Variants in PDZD2 observed in about 807,000 individuals in gnomAD.
The protein encoded by PDZD2 is PDZ domain-containing protein 2.
In PDZD2, 90 loss-of-function variants were observed where a neutral mutation model predicts 220.7. The ratio of observed to expected loss-of-function variants is 0.41; its 90% CI spans 0.34 to 0.49. The LOEUF (loss-of-function observed/expected upper bound fraction) is 0.49. Among genes scored for constraint, PDZD2 ranks in the 20% least tolerant of loss-of-function variants. The pLI is 0.28. For synonymous variants in PDZD2, 1,375 were observed against 1,450.5 expected (o/e 0.95, Z 1.18); for missense variants, 3,174 against 3,608.5 (o/e 0.88, Z 3.08).
At chr5:31,645,578 G>A (rs1376482530) in intron 1 of PDZD2, among the ~76,000 whole-genome samples, 12 of 152,038 alleles carry the variant, frequency 7.9e-5, no homozygotes, top group Admixed American at 5.9e-4. Context: ...CTTGTGATCC[G>A]CCTGCCTTGG....
At chr5:32,028,807 C>T (rs985003647) in intron 6 of PDZD2, among the ~76,000 whole-genome samples, 2 of 151,886 alleles carry the variant, frequency 1.3e-5, no homozygotes, top group South Asian at 2.1e-4. Flanking sequence ...CTTAGCCTCC[C>T]GAGTAGCTGG....
intron 24 of PDZD2, among the ~76,000 whole-genome samples, chr5:32,105,497 A>C (rs1306893341): frequency 6.6e-6 from 1 of 152,236 alleles, no homozygotes; most frequent in African/African-American, 2.4e-5. Flanking sequence ...GAAGCTATGA[A>C]ACAATTTAAA....
intron 10 of PDZD2, among the ~76,000 whole-genome samples, chr5:32,054,480 T>A (rs770483723): frequency 1.3e-5 from 2 of 151,718 alleles, no homozygotes; most frequent in Non-Finnish European, 2.9e-5. Flanking sequence ...CACACCGTCA[T>A]GCCTGGCTAA....
rs1197762193 is a variant in PDZD2 at position 31,799,018 on chromosome 5, T to C, written c.-231T>C. On this transcript the variant is annotated 5_prime_UTR_variant, in exon 2 of 25. Transcript: ENST00000438447. ...GTTAGACACTTCCTTCCTTCCCTCA[T>C]TGAGCACTCCAGTGCCATTGTTCCA... 1.9e-6 allele frequency: 1 copy of C among 527,874 alleles called. No individual in the cohort carries two copies. 32.7% of individuals were successfully genotyped at this position (527,874 alleles called of 1,614,324 possible).
Position 32,077,742 on chromosome 5 carries a change from A to C in PDZD2, c.3682+136A>C, listed in dbSNP as rs890250371. 6 of 804,318 alleles carry C rather than the reference A, an allele frequency of 7.5e-6. No individual in the cohort carries two copies. The African/African-American group carries it at 8.6e-5, about 11-fold the overall frequency. 49.8% of individuals were successfully genotyped at this position (804,318 alleles called of 1,614,324 possible). A position where few individuals can be genotyped will look rare whatever the true frequency, so the allele number is the denominator to read the frequency against. On this transcript the variant is annotated intron_variant, in intron 19 of 24. Coordinates refer to ENST00000438447, the MANE Select transcript of PDZD2 (RefSeq NM_178140.4). The stretch of plus-strand genomic sequence containing the variant: ...GAGGCCGAGGTGGGCGGACCACTTG[A>C]GGTCAGGAGTTTGAGACCAGCCTGG...
intron 2 of PDZD2, among the ~76,000 whole-genome samples, chr5:31,940,626 G>C (rs776251535): frequency 4.6e-5 from 7 of 152,206 alleles, no homozygotes; most frequent in Non-Finnish European, 8.8e-5. Context: ...TTTGGGGGTT[G>C]TCAGGTAGCC....
At chr5:31,683,074 C>A (rs1423927862) in intron 1 of PDZD2, among the ~76,000 whole-genome samples, 1 of 151,940 alleles carries the variant, frequency 6.6e-6, no homozygotes, top group Non-Finnish European at 1.5e-5. Context: ...TTGCATTCGG[C>A]CCTTAAGTTT....
At chr5:31,891,546 C>G (rs998790993) in intron 2 of PDZD2, among the ~76,000 whole-genome samples, 1 of 151,656 alleles carries the variant, frequency 6.6e-6, no homozygotes, top group Non-Finnish European at 1.5e-5. Context: ...AACTCCTGAT[C>G]TCAGGTGATC....
chr5:32,090,663 C>T lies in PDZD2; in HGVS notation c.7215C>T (p.Ser2405=), dbSNP rs768918693. 22 of 1,614,046 alleles carry T rather than the reference C, an allele frequency of 1.4e-5. No homozygotes were observed. Among genetic ancestry groups the T allele is most frequent in the Admixed American group, 8.3e-5 (5 of 60,010 alleles). The change falls in exon 20 of 25, where the codon AGC becomes AGT. Residue 2405 remains serine, a synonymous_variant. Coordinates refer to ENST00000438447, the MANE Select transcript of PDZD2 (RefSeq NM_178140.4). This position sits in a 1 kb window ranked among gnomAD's most constrained non-coding sequence, Gnocchi z 4.3. The part of the protein sequence containing the change: ...RSLSSCSENQ[S]EAGTLLPQMA... ...TGAGTTCCTGCAGCGAAAACCAAAG[C>T]GAAGCCGGCACCCTCCTGCCCCAGA...
chr5:31,840,864 C>G (rs1226235655), intron 2 of PDZD2: 2 of 703,554 alleles, frequency 2.8e-6, no homozygotes, highest in African/African-American at 3.5e-5. Context: ...TACAATATCA[C>G]CTTTCTTATA....
chr5:31,989,769 C>A (rs1444680883), intron 3 of PDZD2, among the ~76,000 whole-genome samples: 1 of 152,128 alleles, frequency 6.6e-6, no homozygotes, highest in African/African-American at 2.4e-5. Context: ...TTGATAGACA[C>A]TTAGGTTGAT....
chr5:31,670,888 G>T (rs2150117887), intron 1 of PDZD2, among the ~76,000 whole-genome samples: 1 of 152,220 alleles, frequency 6.6e-6, no homozygotes, highest in South Asian at 2.1e-4. Flanking sequence ...GCCCTCTGTG[G>T]ATCGCTAAGA....
rs376367005 is a variant in PDZD2, at chr5:32,090,570, C to T, written c.7122C>T (p.Ser2374=). 2.2e-5 allele frequency: 35 copies of T among 1,613,902 alleles called. No individual in the cohort carries two copies. Among genetic ancestry groups the T allele is most frequent in the South Asian group, 1.4e-4 (13 of 91,070 alleles). The change falls in exon 20 of 25, where the codon TCC becomes TCT. Residue 2374 remains serine, a synonymous_variant. Coordinates refer to ENST00000438447, the MANE Select transcript of PDZD2 (RefSeq NM_178140.4). This position sits in a 1 kb window ranked among gnomAD's most constrained non-coding sequence, Gnocchi z 4.3. The part of the protein sequence containing the change: ...SSKPPIGRRS[S]GSIVSGSLGH... ...AGCCTCCCATTGGGAGGCGGTCTTCCGGCAGCATTGTTTCCGGGAGCCTGG... is the reference window on the plus strand; with the variant it reads ...AGCCTCCCATTGGGAGGCGGTCTTCTGGCAGCATTGTTTCCGGGAGCCTGG...
At chr5:31,817,653 C>T (rs1755552348) in intron 2 of PDZD2, among the ~76,000 whole-genome samples, 1 of 151,054 alleles carries the variant, frequency 6.6e-6, no homozygotes, top group East Asian at 1.9e-4. Flanking sequence ...ATATATTTAT[C>T]CATCTATCTA....
intron 1 of PDZD2, among the ~76,000 whole-genome samples, chr5:31,687,345 T>C (rs887679183): frequency 1.3e-5 from 2 of 152,190 alleles, no homozygotes; most frequent in African/African-American, 4.8e-5. Context: ...ACCTAAAAAA[T>C]TACAGATGCA....
At chr5:32,064,325 T>A (rs950403768) in intron 14 of PDZD2, among the ~76,000 whole-genome samples, 54 of 151,790 alleles carry the variant, frequency 3.6e-4, no homozygotes, top group Non-Finnish European at 1.0e-4. Flanking sequence ...CACAGCAACC[T>A]CTGCCTCCCA....
At chr5:31,980,588 T>C (rs952121668) in intron 2 of PDZD2, among the ~76,000 whole-genome samples, 1 of 152,200 alleles carries the variant, frequency 6.6e-6, no homozygotes, top group Non-Finnish European at 1.5e-5. Context: ...TCTGAGCACA[T>C]GTATTTAAAT....
chr5:31,657,757 A>T (rs1480490321), intron 1 of PDZD2, among the ~76,000 whole-genome samples: 1 of 152,208 alleles, frequency 6.6e-6, no homozygotes, highest in Non-Finnish European at 1.5e-5. Flanking sequence ...AGCAAATTCC[A>T]GGTTTGAGGA....
rs928524814 is a variant in PDZD2, at chr5:31,652,742, G to C, written c.-361+13305G>C. Among the ~76,000 whole-genome samples the C allele has an allele frequency of 2.6e-5, 4 of 152,226 alleles. No homozygotes were observed. The East Asian group carries it at 7.7e-4, about 29-fold the overall frequency. ...CAAGAACATAGTGGCCAGGCGCAGT[G>C]GCTCACGCCTGTAATCCCAGCACTT... On this transcript the variant is annotated intron_variant, in intron 1 of 24. Coordinates refer to ENST00000438447, the MANE Select transcript of PDZD2 (RefSeq NM_178140.4).
Sources: allele counts gnomAD v4.1 joint callset (sites outside exome capture counted in the v4.1 genomes callset), GRCh38; gene constraint gnomAD v4.1.1; non-coding constraint Gnocchi (gnomAD v3.1); transcripts MANE v1.5; gene names NCBI Gene and HGNC (gene_info 2026-07-23, HGNC 2026-07-21).